The following SYTL5 variants were observed in gnomAD, a reference collection of about 807,000 sequenced individuals.
SYTL5 encodes synaptotagmin-like protein 5.
In SYTL5, 34 loss-of-function variants were observed where a neutral mutation model predicts 55.9. The ratio of observed to expected loss-of-function variants is 0.61; its 90% CI spans 0.46 to 0.81. The LOEUF (loss-of-function observed/expected upper bound fraction) is 0.81. Ranked by LOEUF, SYTL5 falls within the 30% of genes least tolerant of loss-of-function variation. The pLI is 0.00. For synonymous variants in SYTL5, 221 were observed against 188.7 expected (o/e 1.17, Z -1.40); for missense variants, 637 against 546.7 (o/e 1.17, Z -1.65).
chrX:37,961,593 A>G, the SYTL5 span, among the ~76,000 whole-genome samples: 4 of 111,919 alleles, frequency 3.6e-5, no homozygotes, highest in East Asian at 2.8e-4. Flanking sequence ...CCTTGAGCTA[A>G]CACAATATAT....
At chrX:37,910,084 C>G in the SYTL5 span, among the ~76,000 whole-genome samples, 1 of 111,627 alleles carries the variant, frequency 9.0e-6, no homozygotes, top group Admixed American at 9.5e-5. Flanking sequence ...CTAGATGACT[C>G]CAACATGTGC....
the SYTL5 span, among the ~76,000 whole-genome samples, chrX:37,968,044 T>C: frequency 1.8e-5 from 2 of 110,248 alleles, no homozygotes; most frequent in Non-Finnish European, 3.8e-5. Context: ...TCTCACTTTA[T>C]TTATGCATTC....
chrX:37,999,388 G>T, the SYTL5 span, among the ~76,000 whole-genome samples: 1 of 112,555 alleles, frequency 8.9e-6, no homozygotes, highest in Admixed American at 9.4e-5. Flanking sequence ...GAGAGTAGAA[G>T]ATTTGATCCT....
At chrX:38,079,690 C>T (rs901217524) in intron 6 of SYTL5, among the ~76,000 whole-genome samples, 4 of 111,760 alleles carry the variant, frequency 3.6e-5, no homozygotes, top group African/African-American at 1.3e-4. Flanking sequence ...GTAGGAGAGA[C>T]AGAATAGAGA....
the SYTL5 span, among the ~76,000 whole-genome samples, chrX:37,903,040 T>C: frequency 9.0e-6 from 1 of 111,202 alleles, no homozygotes; most frequent in African/African-American, 3.3e-5. Context: ...CATTAAAAAG[T>C]CAGGAAACAA....
intron 3 of SYTL5, 126 bp downstream of exon 3, chrX:38,054,548 A>G: frequency 1.7e-6 from 1 of 604,037 alleles, no homozygotes; most frequent in South Asian, 2.9e-5. Context: ...TTACAGCCCA[A>G]TCACAGGCTT....
At chrX:37,959,725 C>T in the SYTL5 span, among the ~76,000 whole-genome samples, 4 of 111,916 alleles carry the variant, frequency 3.6e-5, no homozygotes, top group South Asian at 1.5e-3. Context: ...TTCCCTATAA[C>T]TTTCCCTAAT....
chrX:37,907,485 C>T, the SYTL5 span, among the ~76,000 whole-genome samples: 5 of 112,143 alleles, frequency 4.5e-5, no homozygotes, highest in African/African-American at 1.3e-4. Flanking sequence ...CCCGGGGAGC[C>T]GTTAAGCTTC....
chrX:37,922,343 C>T, the SYTL5 span, among the ~76,000 whole-genome samples: 1 of 111,566 alleles, frequency 9.0e-6, no homozygotes, highest in East Asian at 2.8e-4. Flanking sequence ...AAATTGTCTG[C>T]AGTTATAATG....
At chrX:37,951,529 G>A in the SYTL5 span, among the ~76,000 whole-genome samples, 9 of 111,157 alleles carry the variant, frequency 8.1e-5, no homozygotes, top group African/African-American at 2.9e-4. Flanking sequence ...AAAGACAGTA[G>A]GAGAGATAGA....
At chrX:37,905,526 G>A in the SYTL5 span, among the ~76,000 whole-genome samples, 21 of 110,220 alleles carry the variant, frequency 1.9e-4, no homozygotes, top group African/African-American at 7.0e-4. Context: ...GGGATCTTGA[G>A]GAGCCAGCTG....
chrX:37,975,450 A>C, the SYTL5 span, among the ~76,000 whole-genome samples: 15 of 112,229 alleles, frequency 1.3e-4, no homozygotes, highest in East Asian at 4.2e-3. Context: ...AAAATGAGGA[A>C]AAACATGGTT....
At chrX:37,926,323 G>GT in the SYTL5 span, among the ~76,000 whole-genome samples, 2 of 109,703 alleles carry the variant, frequency 1.8e-5, no homozygotes, top group Non-Finnish European at 3.8e-5. Flanking sequence ...CAATACGATT[G>GT]TTTTTTGATA....
intron 4 of SYTL5, 130 bp downstream of exon 4, chrX:38,072,292 G>A: frequency 2.3e-6 from 1 of 437,704 alleles, no homozygotes; most frequent in South Asian, 5.2e-5. Context: ...TTCACAACTT[G>A]GTAGCATGAA....
At chrX:37,989,136 G>A in the SYTL5 span, among the ~76,000 whole-genome samples, 1 of 111,566 alleles carries the variant, frequency 9.0e-6, no homozygotes, top group African/African-American at 3.3e-5. Context: ...TGCCTTTAAG[G>A]GATCAAAAGA....
At chrX:37,990,822 C>T in the SYTL5 span, 3 of 1,175,844 alleles carry the variant, frequency 2.6e-6, no homozygotes, top group Non-Finnish European at 2.3e-6. Context: ...CTGATGAGAG[C>T]CAAACCCAGC....
At chrX:38,024,340 C>A (rs113452793) in intron 1 of SYTL5, among the ~76,000 whole-genome samples, 3,020 of 110,962 alleles carry the variant, frequency 0.027, 103 homozygotes, top group African/African-American at 0.094. Context: ...GTAAGACGTG[C>A]CTTTGTTCCT....
intron 6 of SYTL5, 63 bp downstream of exon 6, chrX:38,076,764 A>G: frequency 9.1e-7 from 1 of 1,095,792 alleles, no homozygotes. Flanking sequence ...ATTCCCATTC[A>G]TAGGGGGATT....
the SYTL5 span, among the ~76,000 whole-genome samples, chrX:37,935,012 G>A: frequency 1.8e-5 from 2 of 111,782 alleles, no homozygotes; most frequent in Non-Finnish European, 3.8e-5. Context: ...GAATCCCTAT[G>A]AATTCCAAGT....
Sources: gnomAD v4.1 joint callset for allele counts (sites outside exome capture counted in the v4.1 genomes callset) on GRCh38, gnomAD v4.1.1 for gene constraint, MANE v1.5 for transcripts, NCBI Gene and HGNC (gene_info 2026-07-23, HGNC 2026-07-21) for gene names.